FUT9: variants seen among roughly 807,000 people sequenced by gnomAD.
FUT9 encodes the protein 4-galactosyl-N-acetylglucosaminide 3-alpha-L-fucosyltransferase 9.
Under a neutral mutation model 29.7 loss-of-function variants are expected in FUT9, and 15 were observed. The observed-to-expected ratio is 0.51, with a 90% CI of 0.34 to 0.78. The LOEUF is 0.78. Among genes scored for constraint, FUT9 ranks in the 30% least tolerant of loss-of-function variants. The pLI is 0.01. For missense variants in FUT9, 319 were observed against 425.4 expected (o/e 0.75, Z 2.20); for synonymous variants, 169 against 153.7 (o/e 1.10, Z -0.74).
rs953349566 is a variant in FUT9, at chr6:96,209,967, C to T, written c.*5732C>T. On this transcript the variant is annotated 3_prime_UTR_variant, in exon 3 of 3. Coordinates refer to ENST00000302103, the MANE Select transcript of FUT9 (RefSeq NM_006581.4). ...TGCTATAACTGGTGAACCATCCTGT[C>T]CTAAACTAGCAGTTCTCAAACATGC... is the stretch of plus-strand genomic sequence containing the variant. The T allele has an allele frequency of 6.0e-6, 1 of 166,802 alleles. No homozygotes were observed. The highest frequency in any genetic ancestry group is 1.5e-5 in the Non-Finnish European group (1 of 68,032). 10.3% of individuals were successfully genotyped at this position (166,802 alleles called of 1,614,324 possible). A position where few individuals can be genotyped will look rare whatever the true frequency, so the allele number is the denominator to read the frequency against.
intron 1 of FUT9, among the ~76,000 whole-genome samples, chr6:96,033,839 C>G (rs112868426): frequency 1.3e-5 from 2 of 151,568 alleles, no homozygotes; most frequent in Non-Finnish European, 3.0e-5. Context: ...TACAAATACA[C>G]TCACACACAA....
At chr6:96,174,176 T>G (rs370711189) in intron 2 of FUT9, among the ~76,000 whole-genome samples, 4 of 152,106 alleles carry the variant, frequency 2.6e-5, no homozygotes, top group East Asian at 1.9e-4. Context: ...GAGATGTGAT[T>G]AAATAAATAC....
chr6:96,018,621 C>T (rs1187397444), intron 1 of FUT9, among the ~76,000 whole-genome samples: 2 of 151,866 alleles, frequency 1.3e-5, no homozygotes, highest in Non-Finnish European at 2.9e-5. Context: ...AATTATATGC[C>T]ACCTAGAGGA....
intron 1 of FUT9, among the ~76,000 whole-genome samples, chr6:96,023,623 C>T (rs2127922622): frequency 6.6e-6 from 1 of 151,926 alleles, no homozygotes; most frequent in East Asian, 1.9e-4. Flanking sequence ...CTGGCACAGT[C>T]CAAGACAGGA....
intron 2 of FUT9, among the ~76,000 whole-genome samples, chr6:96,176,528 T>C (rs1445062393): frequency 6.6e-6 from 1 of 152,126 alleles, no homozygotes; most frequent in African/African-American, 2.4e-5. Flanking sequence ...ATTTAAAAAT[T>C]AGGCAGCAGC....
chr6:96,029,623 A>G (rs930941436), intron 1 of FUT9, among the ~76,000 whole-genome samples: 1 of 151,598 alleles, frequency 6.6e-6, no homozygotes. Context: ...ATTCCCAATT[A>G]TTTTGCACTT....
rs1281418434 is a variant in FUT9, at chr6:96,203,390, C to A, written c.235C>A (p.Leu79Ile). The change falls in exon 3 of 3, where the codon CTT (leucine) becomes ATT (isoleucine). Residue 79 changes from leucine to isoleucine, a missense_variant. Leu to Ile is a conservative substitution (Grantham distance 5, BLOSUM62 2). Transcript: ENST00000302103. Reference sequence around the variant, plus strand: ...GTGGCCATTTGGGCAGACCTTTGACCTTACATCCTGCCAAGCAATGTTCAA... The same window carrying A: ...GTGGCCATTTGGGCAGACCTTTGACATTACATCCTGCCAAGCAATGTTCAA... ...WVWPFGQTFD[L>I]TSCQAMFNIQ... 6.2e-7 allele frequency: 1 copy of A among 1,611,186 alleles called. No individual in the cohort carries two copies.
intron 2 of FUT9, among the ~76,000 whole-genome samples, chr6:96,176,359 A>G (rs1773204741): frequency 6.6e-6 from 1 of 151,448 alleles, no homozygotes; most frequent in South Asian, 2.1e-4. Flanking sequence ...AATGATATAT[A>G]ATATATGTTA....
chr6:96,163,860 C>T (rs891409868), intron 2 of FUT9, among the ~76,000 whole-genome samples: 66 of 152,292 alleles, frequency 4.3e-4, no homozygotes, highest in African/African-American at 1.5e-3. Flanking sequence ...CCAGAATTTC[C>T]ATATGTGGCT....
intron 1 of FUT9, among the ~76,000 whole-genome samples, chr6:96,058,367 T>A (rs1437156317): frequency 6.7e-6 from 1 of 149,904 alleles, no homozygotes; most frequent in Non-Finnish European, 1.5e-5. Flanking sequence ...ACCCTCACTG[T>A]TGGGGAAGTC....
intron 2 of FUT9, among the ~76,000 whole-genome samples, chr6:96,157,199 T>TC (rs1270194496): frequency 6.6e-6 from 1 of 152,220 alleles, no homozygotes; most frequent in Non-Finnish European, 1.5e-5. Context: ...TGTAATATGA[T>TC]CAGTACCTTC....
chr6:96,175,828 C>A (rs1010278486), intron 2 of FUT9, among the ~76,000 whole-genome samples: 6 of 152,046 alleles, frequency 3.9e-5, no homozygotes, highest in African/African-American at 7.2e-5. Context: ...TAAGGGATAC[C>A]CAGATAGATG....
At chr6:96,052,411 T>C (rs1406771815) in intron 1 of FUT9, among the ~76,000 whole-genome samples, 2 of 152,240 alleles carry the variant, frequency 1.3e-5, no homozygotes, top group Non-Finnish European at 2.9e-5. Context: ...TATTCTCTGC[T>C]GAGTTCCCTG....
intron 1 of FUT9, among the ~76,000 whole-genome samples, chr6:96,025,819 A>G (rs1483782775): frequency 1.3e-5 from 2 of 151,658 alleles, no homozygotes; most frequent in East Asian, 3.9e-4. Context: ...ACAACTTAAC[A>G]TGAAAGTCTG....
In FUT9 at chr6:96,078,408, CTTTTTT is replaced by C. The variant is rs71012536; in HGVS notation, c.-97-35606_-97-35601del. ...GATCTCTTTCTTTCATATTAGTCTTCTTTTTTTTTTTTTTTTTTTTTTTTTTTTTTG... is the reference window on the plus strand; with the variant it reads ...GATCTCTTTCTTTCATATTAGTCTTCTTTTTTTTTTTTTTTTTTTTTTTTG... On this transcript the variant is annotated intron_variant, in intron 1 of 2. Coordinates refer to ENST00000302103, the MANE Select transcript of FUT9 (RefSeq NM_006581.4). Among the ~76,000 whole-genome samples, 15 of 44,198 alleles carry C rather than the reference CTTTTTT, an allele frequency of 3.4e-4. 1 individual carries two copies. Among genetic ancestry groups the C allele is most frequent in the Admixed American group, 9.4e-4 (2 of 2,124 alleles). The allele number at this position is 44,198 out of a possible 152,430, so 29.0% of individuals were successfully genotyped here. A position where few individuals can be genotyped will look rare whatever the true frequency, so the allele number is the denominator to read the frequency against.
chr6:96,034,374 G>C (rs1770316757), intron 1 of FUT9, among the ~76,000 whole-genome samples: 1 of 150,540 alleles, frequency 6.6e-6, no homozygotes, highest in East Asian at 2.0e-4. Context: ...GTTTTATTTA[G>C]AATTATATCC....
rs1773831035 is a variant in FUT9 at position 96,206,425 on chromosome 6, G to A, written c.*2190G>A. On this transcript the variant is annotated 3_prime_UTR_variant, in exon 3 of 3. Coordinates refer to ENST00000302103, the MANE Select transcript of FUT9 (RefSeq NM_006581.4). ...ATAAAAAGCATAGAGATCTAAAGAG[G>A]ATACACTGCTAACAAGTTTAGAAAG... 1 of 166,862 alleles carries A rather than the reference G, an allele frequency of 6.0e-6. No individual in the cohort carries two copies. The highest frequency in any genetic ancestry group is 1.5e-5 in the Non-Finnish European group (1 of 68,074). 10.3% of individuals were successfully genotyped at this position (166,862 alleles called of 1,614,324 possible).
chr6:96,018,113 T>C (rs1325610001), intron 1 of FUT9, among the ~76,000 whole-genome samples: 2 of 152,150 alleles, frequency 1.3e-5, no homozygotes, highest in African/African-American at 2.4e-5. Context: ...AATGAGTTTA[T>C]TGTTGGTTTT....
In FUT9 at chr6:96,206,236, A is replaced by G. The variant is rs1352242312; in HGVS notation, c.*2001A>G. 1 of 167,090 alleles carries G rather than the reference A, an allele frequency of 6.0e-6. No homozygotes were observed. The highest frequency in any genetic ancestry group is 6.5e-5 in the Admixed American group (1 of 15,280). The allele number at this position is 167,090 out of a possible 1,614,324, so 10.4% of individuals were successfully genotyped here. A position where few individuals can be genotyped will look rare whatever the true frequency, so the allele number is the denominator to read the frequency against. Reference sequence around the variant, plus strand: ...ACTTTGTCAACTCTTTTGACCCAACATATTATTCTCTCCGTATTATCTCTT... The same window carrying G: ...ACTTTGTCAACTCTTTTGACCCAACGTATTATTCTCTCCGTATTATCTCTT... On this transcript the variant is annotated 3_prime_UTR_variant, in exon 3 of 3. Transcript: ENST00000302103.
Sources: allele counts gnomAD v4.1 joint callset (sites outside exome capture counted in the v4.1 genomes callset), GRCh38; gene constraint gnomAD v4.1.1; transcripts MANE v1.5; gene names NCBI Gene and HGNC (gene_info 2026-07-23, HGNC 2026-07-21).